Variants in CAPN7 observed in about 807,000 individuals in gnomAD.
CAPN7 encodes the protein calpain-7.
Under a neutral mutation model 115.2 loss-of-function variants are expected in CAPN7, and 72 were observed. The ratio of observed to expected loss-of-function variants is 0.63; its 90% CI spans 0.52 to 0.76. CAPN7 has a LOEUF of 0.76. Ranked by LOEUF, CAPN7 falls within the 30% of genes least tolerant of loss-of-function variation. The pLI is 0.00. For synonymous variants in CAPN7, 344 were observed against 322.3 expected, an observed-to-expected ratio of 1.07 and a Z score of -0.72; for missense variants, 905 against 971.5, an observed-to-expected ratio of 0.93 and a Z score of 0.91.
intron 1 of CAPN7, among the ~76,000 whole-genome samples, chr3:15,208,653 C>T (rs541496472): frequency 1.2e-3 from 178 of 152,136 alleles, no homozygotes; most frequent in South Asian, 4.8e-3. Flanking sequence ...GTTTTTTCAA[C>T]ATCATAAGTA....
chr3:15,207,624 G>C (rs1314058518), intron 1 of CAPN7, among the ~76,000 whole-genome samples: 1 of 150,146 alleles, frequency 6.7e-6, no homozygotes, highest in Non-Finnish European at 1.5e-5. Context: ...ATCTTTATTT[G>C]GTAAGTTTTT....
intron 12 of CAPN7, among the ~76,000 whole-genome samples, chr3:15,238,105 CTTCTT>C (rs1695103414): frequency 8.8e-6 from 1 of 114,144 alleles, no homozygotes; most frequent in African/African-American, 3.0e-5. Context: ...TTAATTCTGA[CTTCTT>C]TTTTTTTTTT....
chr3:15,235,618 C>A (rs560742472), intron 12 of CAPN7, among the ~76,000 whole-genome samples: 1 of 152,132 alleles, frequency 6.6e-6, no homozygotes, highest in African/African-American at 2.4e-5. Context: ...GCATTAGATT[C>A]TCATAAGGGG....
In CAPN7 at chr3:15,244,100, G is replaced by A. The variant is rs148936215; in HGVS notation, c.1865-1426G>A. 5.5e-4 allele frequency among the ~76,000 whole-genome samples: 84 copies of A among 152,276 alleles called. 1 individual carries two copies. The highest frequency in any genetic ancestry group is 1.8e-3 in the African/African-American group (74 of 41,546). On this transcript the variant is annotated intron_variant, in intron 16 of 20. Coordinates refer to ENST00000253693, the MANE Select transcript of CAPN7 (RefSeq NM_014296.3). ...AAGGAAGCAACTGTTGACAGTTCTT[G>A]CAAGAAAGCTGTGCAAAGAAATGGG...
intron 5 of CAPN7, among the ~76,000 whole-genome samples, chr3:15,222,459 C>G (rs1694059361): frequency 6.6e-6 from 1 of 152,132 alleles, no homozygotes. Flanking sequence ...TTTTTATTTT[C>G]TAAAATTGAG....
At chr3:15,216,217 A>G (rs1204729878) in intron 2 of CAPN7, among the ~76,000 whole-genome samples, 1 of 152,176 alleles carries the variant, frequency 6.6e-6, no homozygotes, top group Non-Finnish European at 1.5e-5. Context: ...GGAACTGCCA[A>G]ATTGTTTTCC....
intron 17 of CAPN7, 44 bp downstream of exon 17, chr3:15,245,715 G>A: frequency 1.9e-6 from 3 of 1,559,788 alleles, no homozygotes; most frequent in East Asian, 2.3e-5. Context: ...GTAATATAAA[G>A]TATGTAATAT....
At position 15,212,144 on chromosome 3, in the gene CAPN7, C is replaced by CT. The variant is rs1349582740; in HGVS notation, c.143_144insT (p.Ser49LysfsTer11). The CT allele has an allele frequency of 1.4e-5, 23 of 1,611,016 alleles. No homozygotes were observed. Among genetic ancestry groups the CT allele is most frequent in the Non-Finnish European group, 2.0e-5 (23 of 1,178,274 alleles). On this transcript the variant is annotated frameshift_variant, in exon 2 of 21. Transcript: ENST00000253693. LOFTEE classifies it high-confidence loss of function. The stretch of plus-strand genomic sequence containing the variant: ...TTAATTTATGCTGAGATGGCAGGAT[C>CT]AAGCCTAGAAAATATTCAAGAAAAA...
intron 6 of CAPN7, among the ~76,000 whole-genome samples, chr3:15,225,329 C>T (rs1336455233): frequency 7.9e-5 from 12 of 152,048 alleles, no homozygotes; most frequent in Admixed American, 7.2e-4. Context: ...CGTACGAAAG[C>T]GATTTATCAT....
chr3:15,221,322 G>A (rs1429425817), intron 5 of CAPN7, among the ~76,000 whole-genome samples: 2 of 150,188 alleles, frequency 1.3e-5, no homozygotes, highest in African/African-American at 4.9e-5. Context: ...TGGGACTACA[G>A]GTGTGTGCCA....
At chr3:15,207,508 C>T (rs183950174) in intron 1 of CAPN7, among the ~76,000 whole-genome samples, 2 of 152,200 alleles carry the variant, frequency 1.3e-5, no homozygotes, top group East Asian at 3.9e-4. Flanking sequence ...CCTTAGCTTA[C>T]GGTAACCCTT....
chr3:15,242,755 C>T (rs1164899066), intron 16 of CAPN7, among the ~76,000 whole-genome samples: 1 of 152,202 alleles, frequency 6.6e-6, no homozygotes, highest in African/African-American at 2.4e-5. Context: ...ATTCCTTTCT[C>T]CCTATTCTGC....
chr3:15,213,537 G>A (rs924993946), intron 2 of CAPN7, among the ~76,000 whole-genome samples: 1 of 152,214 alleles, frequency 6.6e-6, no homozygotes, highest in African/African-American at 2.4e-5. Context: ...TATTCCAGGA[G>A]TAGAATCTCT....
At position 15,217,694 on chromosome 3, in the gene CAPN7, T is replaced by A. The variant is rs924875171; in HGVS notation, c.369+112T>A. 1.1e-5 allele frequency: 9 copies of A among 811,156 alleles called. No homozygotes were observed. The Admixed American group carries it at 2.0e-4, about 18-fold the overall frequency. 50.2% of individuals were successfully genotyped at this position (811,156 alleles called of 1,614,324 possible). A position where few individuals can be genotyped will look rare whatever the true frequency, so the allele number is the denominator to read the frequency against. On this transcript the variant is annotated intron_variant, in intron 3 of 20. Transcript: ENST00000253693. ...AAGAATTTTAACAGAATAAAAAAAATTATTTTAAATGTAACAACTACTCCT... is the reference window on the plus strand; with the variant it reads ...AAGAATTTTAACAGAATAAAAAAAAATATTTTAAATGTAACAACTACTCCT...
At chr3:15,216,392 C>T (rs889779431) in intron 2 of CAPN7, among the ~76,000 whole-genome samples, 4 of 152,186 alleles carry the variant, frequency 2.6e-5, no homozygotes, top group Admixed American at 2.0e-4. Flanking sequence ...TAACGTTCAG[C>T]AATTTCTTAT....
chr3:15,217,996 G>T (rs1319196634), intron 3 of CAPN7, among the ~76,000 whole-genome samples: 1 of 152,164 alleles, frequency 6.6e-6, no homozygotes, highest in African/African-American at 2.4e-5. Flanking sequence ...GCTCCCTGCT[G>T]AGCCTTGGTT....
chr3:15,209,344 A>C (rs1049647021), intron 1 of CAPN7, among the ~76,000 whole-genome samples: 2 of 152,182 alleles, frequency 1.3e-5, no homozygotes, highest in African/African-American at 4.8e-5. Context: ...GGTAATGTAC[A>C]TAGTTTCAGG....
chr3:15,219,314 A>T (rs1472616516), intron 4 of CAPN7, among the ~76,000 whole-genome samples: 1 of 152,190 alleles, frequency 6.6e-6, no homozygotes, highest in Admixed American at 6.5e-5. Context: ...GAAAGGGTGG[A>T]AATTGCTTTT....
intron 3 of CAPN7, among the ~76,000 whole-genome samples, chr3:15,217,934 A>G (rs1431655066): frequency 6.6e-6 from 1 of 152,186 alleles, no homozygotes; most frequent in East Asian, 1.9e-4. Context: ...AGTGGTTTGG[A>G]TGAGCCTTAC....
Sources: allele counts gnomAD v4.1 joint callset (sites outside exome capture counted in the v4.1 genomes callset), GRCh38; gene constraint gnomAD v4.1.1; transcripts MANE v1.5; gene names NCBI Gene and HGNC (gene_info 2026-07-23, HGNC 2026-07-21).